The following MEAK7 variants were observed in gnomAD, a reference collection of about 807,000 sequenced individuals.
MEAK7 encodes the protein MTOR-associated protein MEAK7.
Under a neutral mutation model 40.5 loss-of-function variants are expected in MEAK7, and 68 were observed. The ratio of observed to expected loss-of-function variants is 1.68; its 90% CI spans 1.38 to 2.06. The LOEUF is 2.06. Among genes scored for constraint, MEAK7 ranks in the 30% most tolerant of loss-of-function variants. The probability of loss-of-function intolerance (pLI) is 0.00; values close to 1 mark genes in which losing one functional copy is unlikely to be tolerated. For missense variants in MEAK7, 918 were observed against 580.5 expected (o/e 1.58, Z -5.98); for synonymous variants, 338 against 231.9 (o/e 1.46, Z -4.16).
chr16:84,489,406 A>G lies in MEAK7; in HGVS notation c.401T>C (p.Val134Ala), dbSNP rs758769934. ...GCTTAGCACGTGCACCACAGAGCCAACCAGATCCTCTGTAAACTGTAAGAT... is the reference window on the plus strand; with the variant it reads ...GCTTAGCACGTGCACCACAGAGCCAGCCAGATCCTCTGTAAACTGTAAGAT... ...REVQKFTEDL[V>A]GSVVHVLSHR... The change falls in exon 4 of 8, where the codon GTT becomes GCT. Residue 134 changes from valine to alanine, a missense_variant. Physicochemically the swap from Val to Ala is moderately conservative, Grantham distance 64. Transcript: ENST00000343629. The G allele has an allele frequency of 4.7e-5, 76 of 1,612,150 alleles. No homozygotes were observed. The highest frequency in any genetic ancestry group is 3.3e-4 in the Middle Eastern group (2 of 6,070).
chr16:84,497,557 G>A, intron 2 of MEAK7: 3 of 1,295,548 alleles, frequency 2.3e-6, no homozygotes, highest in South Asian at 1.2e-5. Context: ...GACACACGAG[G>A]CAGGCTATCT....
At chr16:84,482,777 G>A (rs931195586) in intron 5 of MEAK7, 67 bp from the exon 6 acceptor site, 1 of 1,595,036 alleles carries the variant, frequency 6.3e-7, no homozygotes, top group Non-Finnish European at 8.5e-7. Flanking sequence ...GGCCGGAAAT[G>A]CCGGTAAGCT....
In MEAK7 at chr16:84,495,704, C is replaced by T. The variant is rs776209876; in HGVS notation, c.363G>A (p.Val121=). Residue 121 remains valine (V), a synonymous_variant, in exon 3 of 8, where the codon GTG becomes GTA. Coordinates refer to ENST00000343629, the MANE Select transcript of MEAK7 (RefSeq NM_020947.4). ...CTACCTTTTGGACTTCTCTGGCCTT[C>T]ACGGGACCTTCTGTGGCAGAAATCA... is the stretch of plus-strand genomic sequence containing the variant. ...MKMISATEGP[V]KAREVQKFTE... 1 of 1,614,174 alleles carries T rather than the reference C, an allele frequency of 6.2e-7. No individual in the cohort carries two copies. Among genetic ancestry groups the T allele is most frequent in the Non-Finnish European group, 8.5e-7 (1 of 1,180,042 alleles).
intron 1 of MEAK7, chr16:84,502,585 G>C (rs1457776204): frequency 6.6e-6 from 1 of 152,112 alleles, no homozygotes; most frequent in Non-Finnish European, 1.5e-5. Flanking sequence ...ATGACACCGA[G>C]AAAACTTGCC....
chr16:84,498,249 A>G (rs566506789), intron 1 of MEAK7, 138 bp from the exon 2 acceptor site: 1 of 1,070,190 alleles, frequency 9.3e-7, no homozygotes, highest in South Asian at 1.7e-5. Context: ...GAGCTACATA[A>G]TACTGGGTTT....
intron 3 of MEAK7, chr16:84,494,742 A>T: frequency 2.3e-6 from 1 of 437,910 alleles, no homozygotes; most frequent in Admixed American, 2.7e-5. Flanking sequence ...AACATATCTG[A>T]CTAGGAATAA....
intron 2 of MEAK7, chr16:84,497,708 T>C: frequency 1.4e-6 from 2 of 1,422,188 alleles, no homozygotes; most frequent in Non-Finnish European, 1.9e-6. Flanking sequence ...TTAGACACTG[T>C]CTATGGCTAT....
intron 2 of MEAK7, 35 bp from the exon 3 acceptor site, chr16:84,495,948 G>A (rs368493355): frequency 3.1e-6 from 5 of 1,605,690 alleles, no homozygotes; most frequent in Non-Finnish European, 2.6e-6. Flanking sequence ...TGGTTAGACA[G>A]TGCACAAGTT....
intron 5 of MEAK7, among the ~76,000 whole-genome samples, chr16:84,485,229 G>T: frequency 6.6e-6 from 1 of 152,212 alleles, no homozygotes; most frequent in East Asian, 1.9e-4. Context: ...CCGGCCCTGG[G>T]CTGGCACCTG....
At chr16:84,493,378 A>G (rs1597954632) in intron 3 of MEAK7, among the ~76,000 whole-genome samples, 1 of 152,222 alleles carries the variant, frequency 6.6e-6, no homozygotes, top group African/African-American at 2.4e-5. Context: ...TGCTGTTGGA[A>G]TAGAAAGGAA....
In MEAK7 at chr16:84,479,955, C is replaced by T. The variant is rs1309534395; in HGVS notation, c.1329G>A (p.Ser443=). The T allele has an allele frequency of 1.9e-6, 3 of 1,609,984 alleles. No individual in the cohort carries two copies. The highest frequency in any genetic ancestry group is 1.3e-5 in the African/African-American group (1 of 74,934). The change falls in exon 8 of 8, where the codon TCG becomes TCA. Residue 443 remains serine (S), a synonymous_variant. Coordinates refer to ENST00000343629, the MANE Select transcript of MEAK7 (RefSeq NM_020947.4). ...CTTCCCGGAGCCCTTCGCTGTGGCG[C>T]GAATGCCCACTGATCTCCAGCAGGG... The part of the protein sequence containing the change: ...AQALLEISGH[S]RHSEGLREVP...
intron 5 of MEAK7, among the ~76,000 whole-genome samples, chr16:84,485,519 G>C (rs1389042605): frequency 6.6e-6 from 1 of 152,204 alleles, no homozygotes; most frequent in Non-Finnish European, 1.5e-5. Context: ...TGCGGGGTAA[G>C]ATACAGGATG....
chr16:84,496,824 C>T (rs1914090217), intron 2 of MEAK7, among the ~76,000 whole-genome samples: 1 of 152,246 alleles, frequency 6.6e-6, no homozygotes, highest in South Asian at 2.1e-4. Flanking sequence ...CTCTGGCCAC[C>T]ATCTGAGCTT....
At chr16:84,483,651 T>C (rs551423930) in intron 5 of MEAK7, among the ~76,000 whole-genome samples, 12 of 152,176 alleles carry the variant, frequency 7.9e-5, no homozygotes, top group African/African-American at 2.6e-4. Flanking sequence ...CAGGGCTCAG[T>C]CTGTAGAGTG....
intron 6 of MEAK7, 85 bp downstream of exon 6, chr16:84,482,507 T>C (rs1912652978): frequency 1.2e-6 from 2 of 1,605,706 alleles, no homozygotes; most frequent in Non-Finnish European, 1.7e-6. Context: ...CGCCCTGCCC[T>C]GATCTGTGGA....
At chr16:84,485,487 G>A (rs1025064395) in intron 5 of MEAK7, among the ~76,000 whole-genome samples, 12 of 152,184 alleles carry the variant, frequency 7.9e-5, no homozygotes, top group African/African-American at 2.9e-4. Context: ...TCTGCCTGGT[G>A]GAGAAATGAC....
intron 3 of MEAK7, among the ~76,000 whole-genome samples, chr16:84,489,985 G>C (rs1244627794): frequency 6.6e-6 from 1 of 152,116 alleles, no homozygotes; most frequent in Non-Finnish European, 1.5e-5. Context: ...TAGGAAAGTA[G>C]ATGAATTGGG....
chr16:84,498,140 A>T lies in MEAK7; in HGVS notation c.-25-29T>A, dbSNP rs8046706. 0.014 allele frequency: 21,001 copies of T among 1,531,864 alleles called. 2,225 individuals carry two copies. The African/African-American group carries it at 0.24, about 18-fold the overall frequency. The allele number at this position is 1,531,864 out of a possible 1,614,324, so 94.9% of individuals were successfully genotyped here. A position where few individuals can be genotyped will look rare whatever the true frequency, so the allele number is the denominator to read the frequency against. ...CAGAAGGAAAAGACACAACATTAGA[A>T]AAATCAAAATTTAATAATCACAGAA... On this transcript the variant is annotated intron_variant, in intron 1 of 7. Transcript: ENST00000343629.
Position 84,486,895 on chromosome 16 carries a change from G to T in MEAK7, c.694C>A (p.Pro232Thr), listed in dbSNP as rs1004681512. The change falls in exon 5 of 8, where the codon CCT becomes ACT. Residue 232 changes from proline (P) to threonine (T), a missense_variant. By Grantham distance (38) the Pro-to-Thr change is conservative (BLOSUM62 -1). Transcript: ENST00000343629. The stretch of plus-strand genomic sequence containing the variant: ...CTGCCCTGGTCCACTTGACGCTCAG[G>T]GACCAGGGTAGTCAGATCAAGAGAC... Reference protein sequence around the residue: ...CSSLDLTTLVPERQVDQGRGF... With the variant: ...CSSLDLTTLVTERQVDQGRGF... The T allele has an allele frequency of 6.2e-7, 1 of 1,614,182 alleles. No individual in the cohort carries two copies. Among genetic ancestry groups the T allele is most frequent in the Admixed American group, 1.7e-5 (1 of 60,028 alleles).
Sources: gnomAD v4.1 joint callset for allele counts (sites outside exome capture counted in the v4.1 genomes callset) on GRCh38, gnomAD v4.1.1 for gene constraint, MANE v1.5 for transcripts, NCBI Gene and HGNC (gene_info 2026-07-23, HGNC 2026-07-21) for gene names.